ANO2: variants seen among roughly 807,000 people sequenced by gnomAD.
ANO2 encodes anoctamin 2.
Under a neutral mutation model 124.2 loss-of-function variants are expected in ANO2, and 101 were observed. The ratio of observed to expected loss-of-function variants is 0.81; its 90% CI spans 0.69 to 0.96. The LOEUF (loss-of-function observed/expected upper bound fraction) is 0.96. Among genes scored for constraint, ANO2 ranks in the 40% least tolerant of loss-of-function variants. The pLI is 0.00. For synonymous variants in ANO2, 486 were observed against 482.5 expected (o/e 1.01, Z -0.09); for missense variants, 1,293 against 1,274.5 (o/e 1.01, Z -0.22).
At chr12:5,592,953 G>C (rs1166011128) in intron 20 of ANO2, among the ~76,000 whole-genome samples, 1 of 152,210 alleles carries the variant, frequency 6.6e-6, no homozygotes, top group Non-Finnish European at 1.5e-5. Flanking sequence ...TGGTCTCCGA[G>C]AGGAACCTGC....
At chr12:5,871,234 A>G (rs1937672024) in intron 3 of ANO2, among the ~76,000 whole-genome samples, 1 of 151,188 alleles carries the variant, frequency 6.6e-6, no homozygotes, top group Non-Finnish European at 1.5e-5. Flanking sequence ...ATAGGTTGTA[A>G]ATCGGACACA....
intron 14 of ANO2, 72 bp from the exon 15 acceptor site, chr12:5,647,873 T>A: frequency 9.0e-7 from 1 of 1,109,776 alleles, no homozygotes; most frequent in Non-Finnish European, 1.3e-6. Flanking sequence ...CTCATTTGCA[T>A]ATATTTGCAT....
intron 10 of ANO2, among the ~76,000 whole-genome samples, chr12:5,782,958 C>T (rs921524879): frequency 5.3e-5 from 8 of 152,232 alleles, no homozygotes; most frequent in African/African-American, 1.9e-4. Context: ...TACTGCCAAT[C>T]TACCACTTTA....
At chr12:5,939,603 G>A (rs1942813330) in intron 1 of ANO2, among the ~76,000 whole-genome samples, 1 of 152,180 alleles carries the variant, frequency 6.6e-6, no homozygotes, top group Non-Finnish European at 1.5e-5. Flanking sequence ...CAGTGGACTG[G>A]GTTAACGCTC....
chr12:5,799,415 A>G, intron 10 of ANO2, 92 bp downstream of exon 10: 2 of 1,093,454 alleles, frequency 1.8e-6, no homozygotes, highest in Non-Finnish European at 1.4e-6. Flanking sequence ...CCTCCACTTG[A>G]GCAAAGGACT....
intron 23 of ANO2, among the ~76,000 whole-genome samples, chr12:5,572,630 AC>A (rs1228835654): frequency 2.0e-5 from 3 of 152,180 alleles, no homozygotes; most frequent in Non-Finnish European, 4.4e-5. Flanking sequence ...CTATTATACA[AC>A]CAATGCCAAG....
chr12:5,762,899 T>A (rs1369351480), intron 10 of ANO2, among the ~76,000 whole-genome samples: 2 of 151,952 alleles, frequency 1.3e-5, no homozygotes, highest in African/African-American at 4.8e-5. Context: ...TTATTGTGCT[T>A]CATATTGTCT....
intron 3 of ANO2, among the ~76,000 whole-genome samples, chr12:5,877,224 C>A (rs1205684924): frequency 6.6e-6 from 1 of 152,198 alleles, no homozygotes; most frequent in East Asian, 1.9e-4. Flanking sequence ...AAAGGATACA[C>A]AGAGACACAC....
At chr12:5,805,912 G>A (rs1953175545) in intron 9 of ANO2, 140 bp downstream of exon 9, 1 of 758,876 alleles carries the variant, frequency 1.3e-6, no homozygotes, top group Admixed American at 3.3e-5. Flanking sequence ...TACCTGGGTG[G>A]GGGAAAGGGG....
chr12:5,791,371 T>C (rs1591621661), intron 10 of ANO2, among the ~76,000 whole-genome samples: 1 of 152,090 alleles, frequency 6.6e-6, no homozygotes, highest in Admixed American at 6.5e-5. Flanking sequence ...ACAGAGGCCC[T>C]GAGAGTGATA....
chr12:5,895,760 G>C (rs568064618), intron 3 of ANO2, among the ~76,000 whole-genome samples: 25 of 151,700 alleles, frequency 1.6e-4, no homozygotes, highest in African/African-American at 5.8e-4. Flanking sequence ...ACTACCATTT[G>C]ATCCAGCAAT....
chr12:5,827,956 C>T, intron 6 of ANO2, 136 bp from the exon 7 acceptor site: 1 of 892,004 alleles, frequency 1.1e-6, no homozygotes, highest in Non-Finnish European at 1.7e-6. Context: ...AAGCATGTGC[C>T]TGGCTCATGG....
At chr12:5,923,126 A>C (rs1414907285) in intron 1 of ANO2, among the ~76,000 whole-genome samples, 1 of 43,798 alleles carries the variant, frequency 2.3e-5, no homozygotes, top group Non-Finnish European at 6.0e-5. Flanking sequence ...ACGCACACAC[A>C]CCCACATACA....
At chr12:5,895,318 TG>T (rs1189551397) in intron 3 of ANO2, among the ~76,000 whole-genome samples, 2 of 152,224 alleles carry the variant, frequency 1.3e-5, no homozygotes, top group Admixed American at 1.3e-4. Context: ...TAGAAATGCT[TG>T]TGATTTTTGC....
intron 3 of ANO2, among the ~76,000 whole-genome samples, chr12:5,880,858 A>ATGGATG (rs1938443063): frequency 1.1e-5 from 1 of 92,550 alleles, no homozygotes; most frequent in Non-Finnish European, 2.3e-5. Flanking sequence ...GTGGGTGGAT[A>ATGGATG]GATGGATGAG....
At chr12:5,907,236 A>G (rs1421556192) in intron 3 of ANO2, among the ~76,000 whole-genome samples, 1 of 152,208 alleles carries the variant, frequency 6.6e-6, no homozygotes, top group Non-Finnish European at 1.5e-5. Context: ...GGCCAGTGAT[A>G]TTGGTTCTCC....
intron 3 of ANO2, among the ~76,000 whole-genome samples, chr12:5,918,133 G>C (rs895418685): frequency 6.6e-6 from 1 of 152,158 alleles, no homozygotes; most frequent in Non-Finnish European, 1.5e-5. Flanking sequence ...CTTCACCTTG[G>C]AGAGACCATC....
At chr12:5,788,677 G>A (rs1249308841) in intron 10 of ANO2, among the ~76,000 whole-genome samples, 1 of 152,194 alleles carries the variant, frequency 6.6e-6, no homozygotes, top group African/African-American at 2.4e-5. Context: ...TCTTGCCTCA[G>A]CTTCCTGAGT....
At chr12:5,848,714 A>C (rs1954768820) in intron 4 of ANO2, among the ~76,000 whole-genome samples, 1 of 152,208 alleles carries the variant, frequency 6.6e-6, no homozygotes, top group Non-Finnish European at 1.5e-5. Flanking sequence ...CACATAGTCC[A>C]AAGGCCATCT....
Sources: allele counts gnomAD v4.1 joint callset (sites outside exome capture counted in the v4.1 genomes callset), GRCh38; gene constraint gnomAD v4.1.1; transcripts MANE v1.5; gene names NCBI Gene and HGNC (gene_info 2026-07-23, HGNC 2026-07-21).